PEX13: variants seen among roughly 807,000 people sequenced by gnomAD.
PEX13 encodes peroxisome biogenesis factor 13.
A neutral mutation model predicts 34.5 loss-of-function variants in PEX13; 28 were observed. The ratio of observed to expected loss-of-function variants is 0.81; its 90% CI spans 0.60 to 1.11. PEX13 has a LOEUF of 1.11. Among genes scored for constraint, PEX13 ranks in the 50% most tolerant of loss-of-function variants. The pLI is 0.00. For missense variants in PEX13, 550 were observed against 491.0 expected, an observed-to-expected ratio of 1.12 and a Z score of -1.13; for synonymous variants, 177 against 175.1, an observed-to-expected ratio of 1.01 and a Z score of -0.09.
intron 2 of PEX13, among the ~76,000 whole-genome samples, chr2:61,041,716 G>A (rs1430048285): frequency 6.6e-6 from 1 of 152,200 alleles, no homozygotes; most frequent in South Asian, 2.1e-4. Flanking sequence ...GTGGGAGATT[G>A]TCAGTTTTTT....
In PEX13 at chr2:61,041,124, T is replaced by C. The variant is rs1680619943; in HGVS notation, c.788-4602T>C. Among the ~76,000 whole-genome samples, 4 of 151,930 alleles carry C rather than the reference T, an allele frequency of 2.6e-5. No individual in the cohort carries two copies. The South Asian group carries it at 6.2e-4, about 24-fold the overall frequency. On this transcript the variant is annotated intron_variant, in intron 2 of 3. Coordinates refer to ENST00000295030, the MANE Select transcript of PEX13 (RefSeq NM_002618.4). Reference sequence around the variant, plus strand: ...CTGGCAAATCGCTTGAGCCCAGAAGTTTAAGGCCAGCCTGTGCGGCATAGG... The same window carrying C: ...CTGGCAAATCGCTTGAGCCCAGAAGCTTAAGGCCAGCCTGTGCGGCATAGG...
Position 61,051,210 on chromosome 2 carries a change from A to G in PEX13, c.*2440A>G, listed in dbSNP as rs986028472. 7 of 152,248 alleles carry G rather than the reference A, an allele frequency of 4.6e-5. No individual in the cohort carries two copies. The highest frequency in any genetic ancestry group is 1.9e-4 in the East Asian group (1 of 5,302). 9.4% of individuals were successfully genotyped at this position (152,248 alleles called of 1,614,324 possible). A position where few individuals can be genotyped will look rare whatever the true frequency, so the allele number is the denominator to read the frequency against. Reference sequence around the variant, plus strand: ...GAAGAGATAAGGTTTCTTGTATATTATTTTTCATTTGTGTTCTACAATTAA... The same window carrying G: ...GAAGAGATAAGGTTTCTTGTATATTGTTTTTCATTTGTGTTCTACAATTAA... On this transcript the variant is annotated 3_prime_UTR_variant, in exon 4 of 4. Transcript: ENST00000295030.
chr2:61,030,124 C>A (rs1463116587), intron 1 of PEX13, among the ~76,000 whole-genome samples: 2 of 152,086 alleles, frequency 1.3e-5, no homozygotes, highest in East Asian at 3.8e-4. Context: ...AATGGATAAA[C>A]CCTGGAAACA....
At chr2:61,038,542 A>G (rs1250704192) in intron 2 of PEX13, among the ~76,000 whole-genome samples, 3 of 152,242 alleles carry the variant, frequency 2.0e-5, no homozygotes, top group African/African-American at 7.2e-5. Context: ...AAGGCCTTCA[A>G]CAAAATTCAT....
chr2:61,048,791 A>G lies in PEX13; in HGVS notation c.*21A>G. ...TTTGATATCTTTCATGTTTGCCTGC[A>G]GTTGAACAATACTTTAGAGTACTTT... On this transcript the variant is annotated 3_prime_UTR_variant, in exon 4 of 4. Coordinates refer to ENST00000295030, the MANE Select transcript of PEX13 (RefSeq NM_002618.4). The G allele has an allele frequency of 6.3e-7, 1 of 1,579,352 alleles. No individual in the cohort carries two copies. Among genetic ancestry groups the G allele is most frequent in the Non-Finnish European group, 8.7e-7 (1 of 1,148,200 alleles).
chr2:61,020,329 GCTTT>G (rs1161328039), intron 1 of PEX13, among the ~76,000 whole-genome samples: 2 of 151,902 alleles, frequency 1.3e-5, no homozygotes, highest in Non-Finnish European at 2.9e-5. Context: ...TTGCAAATGG[GCTTT>G]CTTTTTTCCT....
At chr2:61,044,202 G>A (rs1020516510) in intron 2 of PEX13, among the ~76,000 whole-genome samples, 4 of 152,012 alleles carry the variant, frequency 2.6e-5, no homozygotes, top group African/African-American at 9.7e-5. Context: ...CTGCCTTAGC[G>A]TCCCAAAGTG....
At position 61,049,821 on chromosome 2, in the gene PEX13, A is replaced by G. The variant is rs1285305827; in HGVS notation, c.*1051A>G. ...TCTTTAAAATATGACTAGTTTTCAT[A>G]CTGGGTGAATCAGAAGTATATGAAA... On this transcript the variant is annotated 3_prime_UTR_variant, in exon 4 of 4. Transcript: ENST00000295030. 6.6e-6 allele frequency: 1 copy of G among 152,148 alleles called. No homozygotes were observed. The highest frequency in any genetic ancestry group is 2.4e-5 in the African/African-American group (1 of 41,452). The allele number at this position is 152,148 out of a possible 1,614,324, so 9.4% of individuals were successfully genotyped here. A position where few individuals can be genotyped will look rare whatever the true frequency, so the allele number is the denominator to read the frequency against.
At chr2:61,035,757 G>A (rs1006566460) in intron 2 of PEX13, among the ~76,000 whole-genome samples, 30 of 152,118 alleles carry the variant, frequency 2.0e-4, no homozygotes, top group African/African-American at 7.2e-4. Context: ...GCCAAGGCGG[G>A]CGGATCACCT....
chr2:61,030,285 A>G (rs775376557), intron 1 of PEX13, among the ~76,000 whole-genome samples: 1 of 152,184 alleles, frequency 6.6e-6, no homozygotes, highest in Non-Finnish European at 1.5e-5. Context: ...TCCTGGCACT[A>G]TCACAGTCAT....
intron 2 of PEX13, among the ~76,000 whole-genome samples, chr2:61,033,645 T>C (rs1680488400): frequency 6.6e-6 from 1 of 152,044 alleles, no homozygotes. Flanking sequence ...GGGAAGAATT[T>C]TGGGAGTGTC....
At chr2:61,027,913 A>G (rs1680388054) in intron 1 of PEX13, among the ~76,000 whole-genome samples, 1 of 152,224 alleles carries the variant, frequency 6.6e-6, no homozygotes, top group African/African-American at 2.4e-5. Flanking sequence ...AGAAAAAAAA[A>G]TAGAGTTCTA....
chr2:61,037,897 A>T (rs1284159060), intron 2 of PEX13, among the ~76,000 whole-genome samples: 1 of 152,170 alleles, frequency 6.6e-6, no homozygotes, highest in Non-Finnish European at 1.5e-5. Flanking sequence ...AATCAAATAG[A>T]TGTAATAAAA....
intron 1 of PEX13, chr2:61,018,260 A>G (rs1318950555): frequency 6.4e-7 from 1 of 1,551,056 alleles, no homozygotes; most frequent in Admixed American, 2.0e-5. Flanking sequence ...GTCTCTCCTT[A>G]AAGGTGTTAA....
intron 2 of PEX13, among the ~76,000 whole-genome samples, chr2:61,037,452 C>T (rs1379224199): frequency 6.6e-6 from 1 of 152,186 alleles, no homozygotes; most frequent in African/African-American, 2.4e-5. Flanking sequence ...AACTAGAACT[C>T]AGGATTAATA....
chr2:61,021,000 G>A (rs1478459601), intron 1 of PEX13, among the ~76,000 whole-genome samples: 2 of 152,112 alleles, frequency 1.3e-5, no homozygotes, highest in African/African-American at 4.8e-5. Flanking sequence ...TAAATTTTAT[G>A]AATGGCTTTT....
At position 61,031,968 on chromosome 2, in the gene PEX13, T is replaced by A; in HGVS notation, c.642T>A (p.Ser214Arg). The change falls in exon 2 of 4, where the codon AGT (serine) becomes AGA (arginine). Residue 214 changes from serine to arginine, a missense_variant. By Grantham distance (110) the Ser-to-Arg change is moderately radical (BLOSUM62 -1). Transcript: ENST00000295030. ...AGAATGAAGACCTCTGGGCAGAGAGTGAAGGAACTGTGGCATGCCTTGGTG... is the reference window on the plus strand; with the variant it reads ...AGAATGAAGACCTCTGGGCAGAGAGAGAAGGAACTGTGGCATGCCTTGGTG... ...GSENEDLWAE[S>R]EGTVACLGAE... 2 of 1,613,896 alleles carry A rather than the reference T, an allele frequency of 1.2e-6. No homozygotes were observed. Among genetic ancestry groups the A allele is most frequent in the Non-Finnish European group, 1.7e-6 (2 of 1,179,882 alleles).
intron 2 of PEX13, among the ~76,000 whole-genome samples, chr2:61,036,503 G>C (rs1424954384): frequency 6.6e-6 from 1 of 152,154 alleles, no homozygotes; most frequent in African/African-American, 2.4e-5. Flanking sequence ...TTTCAACCCA[G>C]AATCTCATAT....
At chr2:61,033,307 G>A (rs1190859017) in intron 2 of PEX13, among the ~76,000 whole-genome samples, 1 of 152,154 alleles carries the variant, frequency 6.6e-6, no homozygotes, top group Non-Finnish European at 1.5e-5. Context: ...AAAATAGAGT[G>A]TGTGAGAAGC....
Sources: allele counts gnomAD v4.1 joint callset (sites outside exome capture counted in the v4.1 genomes callset), GRCh38; gene constraint gnomAD v4.1.1; transcripts MANE v1.5; gene names NCBI Gene and HGNC (gene_info 2026-07-23, HGNC 2026-07-21).